Variants in MCF2L observed in about 807,000 individuals in gnomAD.
MCF2L encodes guanine nucleotide exchange factor DBS.
Under a neutral mutation model 153.4 loss-of-function variants are expected in MCF2L, and 97 were observed. The ratio of observed to expected loss-of-function variants is 0.63; its 90% CI spans 0.54 to 0.75. The LOEUF (loss-of-function observed/expected upper bound fraction) is 0.75. MCF2L is among the 30% of genes least tolerant of loss of function. MCF2L has a pLI of 0.00. For missense variants in MCF2L, 1,347 were observed against 1,495.2 expected, an observed-to-expected ratio of 0.90 and a Z score of 1.64; for synonymous variants, 659 against 632.2, an observed-to-expected ratio of 1.04 and a Z score of -0.64.
intron 5 of MCF2L, among the ~76,000 whole-genome samples, chr13:113,062,549 C>T (rs2031688803): frequency 6.6e-6 from 1 of 152,082 alleles, no homozygotes; most frequent in South Asian, 2.1e-4. Flanking sequence ...GGCTCCCCTG[C>T]ACAACGGCTC....
chr13:113,082,581 C>A, intron 17 of MCF2L, 39 bp downstream of exon 17: 3 of 1,401,798 alleles, frequency 2.1e-6, no homozygotes, highest in South Asian at 1.2e-5. Flanking sequence ...CACCCGTGAT[C>A]TCTTGCAGCT....
chr13:112,918,708 A>G (rs2081322397), intron 2 of MCF2L, among the ~76,000 whole-genome samples: 1 of 152,178 alleles, frequency 6.6e-6, no homozygotes, highest in Non-Finnish European at 1.5e-5. Flanking sequence ...GGTGCTGTGG[A>G]TATAAACATT....
intron 16 of MCF2L, among the ~76,000 whole-genome samples, chr13:113,081,992 G>A (rs564080643): frequency 5.4e-5 from 8 of 148,974 alleles, no homozygotes; most frequent in Admixed American, 6.7e-5. Flanking sequence ...TGTAGACAGC[G>A]AGTGTGCACA....
intron 1 of MCF2L, among the ~76,000 whole-genome samples, chr13:112,987,355 C>T (rs369038918): frequency 9.2e-5 from 11 of 119,930 alleles, no homozygotes; most frequent in African/African-American, 3.0e-4. Context: ...CCCCCTGATC[C>T]ACCCAGCACA....
Position 113,031,265 on chromosome 13 carries a change from A to G in MCF2L, c.278+6507A>G, listed in dbSNP as rs2085703211. ...CAGAGAGTGACAGAGATAGAGACAG[A>G]CAGACAGAGACACGGAGACACAGAG... On this transcript the variant is annotated intron_variant, in intron 3 of 29. Coordinates refer to ENST00000535094, the MANE Select transcript of MCF2L (RefSeq NM_001112732.3). The surrounding 1 kb of genome is among the most constrained non-coding windows in gnomAD (Gnocchi z 5.5). Among the ~76,000 whole-genome samples, 1 of 152,098 alleles carries G rather than the reference A, an allele frequency of 6.6e-6. No homozygotes were observed. The highest frequency in any genetic ancestry group is 2.4e-5 in the African/African-American group (1 of 41,390).
At chr13:112,986,733 G>A (rs2082658572) in intron 1 of MCF2L, among the ~76,000 whole-genome samples, 1 of 152,224 alleles carries the variant, frequency 6.6e-6, no homozygotes, top group Non-Finnish European at 1.5e-5. Flanking sequence ...CTGGGCCGAG[G>A]GTGCCAACCC....
intron 23 of MCF2L, 48 bp downstream of exon 23, chr13:113,087,847 GT>G: frequency 1.3e-6 from 2 of 1,489,578 alleles, no homozygotes; most frequent in Middle Eastern, 3.4e-4. Flanking sequence ...GCCACGAATG[GT>G]TTCTCATGGG....
chr13:113,015,491 T>C (rs187243835), intron 2 of MCF2L, among the ~76,000 whole-genome samples: 181 of 151,654 alleles, frequency 1.2e-3, no homozygotes, highest in Admixed American at 6.2e-3. Flanking sequence ...GCCCCGATGC[T>C]GAGGAGGGTG....
chr13:112,981,942 A>G (rs1211908167), intron 1 of MCF2L, among the ~76,000 whole-genome samples: 1 of 152,214 alleles, frequency 6.6e-6, no homozygotes, highest in Admixed American at 6.5e-5. Context: ...TGGAGGAGTC[A>G]CAGATGCCCC....
chr13:113,026,867 A>T (rs1312847659), intron 3 of MCF2L: 1 of 734,912 alleles, frequency 1.4e-6, no homozygotes, highest in Non-Finnish European at 2.5e-6. Context: ...GTGTCTCCCC[A>T]GCGGCGGGCA....
At chr13:112,979,715 A>C (rs766830108) in intron 1 of MCF2L, 1 of 1,612,512 alleles carries the variant, frequency 6.2e-7, no homozygotes. Flanking sequence ...GGCTGTGGTC[A>C]CTGCCCAGGA....
chr13:113,009,469 A>G (rs1594625788), intron 1 of MCF2L: 1 of 152,250 alleles, frequency 6.6e-6, no homozygotes, highest in Non-Finnish European at 1.5e-5. Flanking sequence ...AACCTTAAAC[A>G]TCGGGAATGC....
chr13:112,960,987 T>C lies in MCF2L; in HGVS notation c.170-53776T>C, dbSNP rs2081818336. The stretch of plus-strand genomic sequence containing the variant: ...GGGGCCCCTGAGGGGCCTCCAGTGT[T>C]TGGGCTGCAGTGACCAGGCATCAAA... On this transcript the variant is annotated intron_variant, in intron 2 of 29. Coordinates refer to the MCF2L transcript ENST00000375608. This position sits in a 1 kb window ranked among gnomAD's most constrained non-coding sequence, Gnocchi z 4.2. Among the ~76,000 whole-genome samples, 1 of 152,174 alleles carries C rather than the reference T, an allele frequency of 6.6e-6. No homozygotes were observed. The highest frequency in any genetic ancestry group is 6.5e-5 in the Admixed American group (1 of 15,290).
At chr13:112,919,577 A>T (rs998355262) in intron 2 of MCF2L, among the ~76,000 whole-genome samples, 20 of 142,356 alleles carry the variant, frequency 1.4e-4, no homozygotes, top group African/African-American at 3.4e-4. Flanking sequence ...GTTTTGTTTT[A>T]AAAAAAAATG....
intron 3 of MCF2L, among the ~76,000 whole-genome samples, chr13:113,038,464 C>CAAAAAAAAAACAAAAAAAA (rs2086282499): frequency 8.9e-6 from 1 of 111,908 alleles, no homozygotes; most frequent in Non-Finnish European, 1.9e-5. Flanking sequence ...GCCTCCATCT[C>CAAAAAAAAAACAAAAAAAA]AAAAAAAAAA....
chr13:113,032,621 T>A (rs1376034316), intron 3 of MCF2L, among the ~76,000 whole-genome samples: 1 of 152,104 alleles, frequency 6.6e-6, no homozygotes, highest in Non-Finnish European at 1.5e-5. Context: ...CAGACTGGAG[T>A]GCAGTGGCAG....
intron 1 of MCF2L, among the ~76,000 whole-genome samples, chr13:112,896,371 G>T (rs1238478954): frequency 3.9e-5 from 6 of 152,160 alleles, no homozygotes; most frequent in Non-Finnish European, 8.8e-5. Flanking sequence ...TCACATCGAG[G>T]ACCCCAGGGA....
chr13:112,930,322 A>G (rs1039574780), intron 2 of MCF2L, among the ~76,000 whole-genome samples: 5 of 152,200 alleles, frequency 3.3e-5, no homozygotes, highest in Non-Finnish European at 7.3e-5. Flanking sequence ...TGAATAAACA[A>G]ACTGTGGTCC....
At position 113,074,656 on chromosome 13, in the gene MCF2L, G is replaced by A. The variant is rs768955519; in HGVS notation, c.1116+93G>A. On this transcript the variant is annotated intron_variant, in intron 10 of 29. Transcript: ENST00000535094. This position sits in a 1 kb window ranked among gnomAD's most constrained non-coding sequence, Gnocchi z 4.2. ...GCGCAGGAATGGGCCTCCCGCCTAC[G>A]GAGAACGGACCCCACAGCCCCCCGG... 1.8e-5 allele frequency: 28 copies of A among 1,550,776 alleles called. No homozygotes were observed. Among genetic ancestry groups the A allele is most frequent in the African/African-American group, 1.5e-4 (11 of 73,932 alleles).
Sources: gnomAD v4.1 joint callset for allele counts (sites outside exome capture counted in the v4.1 genomes callset) on GRCh38, gnomAD v4.1.1 for gene constraint, Gnocchi (gnomAD v3.1) non-coding constraint, MANE v1.5 for transcripts, NCBI Gene and HGNC (gene_info 2026-07-23, HGNC 2026-07-21) for gene names.